MEGF10: variants seen among roughly 807,000 people sequenced by gnomAD.
MEGF10 encodes the protein multiple epidermal growth factor-like domains protein 10.
A neutral mutation model predicts 147.5 loss-of-function variants in MEGF10; 86 were observed. The ratio of observed to expected loss-of-function variants is 0.58; its 90% CI spans 0.49 to 0.70. MEGF10 has a LOEUF of 0.70. Among genes scored for constraint, MEGF10 ranks in the 30% least tolerant of loss-of-function variants. MEGF10 has a pLI of 0.00. For missense variants in MEGF10, 1,329 were observed against 1,487.3 expected (o/e 0.89, Z 1.75); for synonymous variants, 478 against 525.5 (o/e 0.91, Z 1.24).
intron 18 of MEGF10, among the ~76,000 whole-genome samples, chr5:127,441,326 C>A (rs1045162391): frequency 4.6e-5 from 7 of 152,186 alleles, no homozygotes; most frequent in African/African-American, 1.7e-4. Context: ...ACATTGCCAC[C>A]CTTTCAACAA....
At chr5:127,341,011 G>C (rs929700889) in intron 4 of MEGF10, among the ~76,000 whole-genome samples, 3 of 152,146 alleles carry the variant, frequency 2.0e-5, no homozygotes, top group Admixed American at 6.6e-5. Flanking sequence ...CAACTTCCGA[G>C]AGGCCAGCAT....
intron 17 of MEGF10, among the ~76,000 whole-genome samples, chr5:127,440,377 G>T (rs1199878004): frequency 6.6e-6 from 1 of 152,166 alleles, no homozygotes; most frequent in Non-Finnish European, 1.5e-5. Context: ...CAGTCCATTG[G>T]AATTTGAGTC....
At chr5:127,440,664 A>G in intron 17 of MEGF10, 75 bp from the exon 18 acceptor site, 28 of 1,499,564 alleles carry the variant, frequency 1.9e-5, no homozygotes, top group Non-Finnish European at 2.0e-5. Flanking sequence ...AAACACAAAT[A>G]TGTTGGAGGC....
intron 5 of MEGF10, among the ~76,000 whole-genome samples, chr5:127,371,549 G>A (rs541376725): frequency 6.6e-6 from 1 of 152,320 alleles, no homozygotes; most frequent in Admixed American, 6.5e-5. Context: ...TTAAAACTAT[G>A]TGGTTTGCCA....
intron 1 of MEGF10, among the ~76,000 whole-genome samples, chr5:127,324,676 C>T (rs555449933): frequency 6.6e-6 from 1 of 152,166 alleles, no homozygotes; most frequent in East Asian, 1.9e-4. Context: ...TGTTAATCTC[C>T]CAAACACCTC....
At chr5:127,405,277 C>T (rs1326437157) in intron 8 of MEGF10, among the ~76,000 whole-genome samples, 1 of 151,938 alleles carries the variant, frequency 6.6e-6, no homozygotes, top group Admixed American at 6.6e-5. Context: ...CTTTCTAAAT[C>T]TTGGTCTAAT....
At chr5:127,408,527 G>A (rs566987010) in intron 8 of MEGF10, among the ~76,000 whole-genome samples, 6 of 152,212 alleles carry the variant, frequency 3.9e-5, no homozygotes, top group African/African-American at 1.2e-4. Flanking sequence ...TAAAAATAAA[G>A]AGCACCTTTT....
Position 127,339,182 on chromosome 5 carries a change from G to C in MEGF10, c.179G>C (p.Cys60Ser). 6.2e-7 allele frequency: 1 copy of C among 1,612,658 alleles called. No homozygotes were observed. The part of the protein sequence containing the change: ...HPFDQIYYTS[C>S]TDILNWFKCT... ...TTTGATCAAATTTACTACACGAGCT[G>C]CACTGACATTCTAAACTGGTTTAAA... is the stretch of plus-strand genomic sequence containing the variant. Residue 60 changes from cysteine to serine, a missense_variant, in exon 3 of 25, where the codon TGC becomes TCC. Around this residue, in one of 3 missense-constraint regions of MEGF10, gnomAD observed 980 missense variants for 1,085.9 expected, o/e 0.90. Coordinates refer to ENST00000503335, the MANE Select transcript of MEGF10 (RefSeq NM_001256545.2).
chr5:127,429,650 A>G (rs188518687), intron 13 of MEGF10, among the ~76,000 whole-genome samples: 8 of 152,218 alleles, frequency 5.3e-5, no homozygotes, highest in African/African-American at 1.7e-4. Context: ...ATTTTCTTCT[A>G]TATCTCTCCA....
the MEGF10 span, among the ~76,000 whole-genome samples, chr5:127,270,361 A>C: frequency 6.6e-6 from 1 of 152,214 alleles, no homozygotes; most frequent in Non-Finnish European, 1.5e-5. Context: ...AGACACACAT[A>C]GGCTCAAAAT....
the MEGF10 span, among the ~76,000 whole-genome samples, chr5:127,245,416 TG>T: frequency 3.9e-5 from 6 of 152,102 alleles, no homozygotes; most frequent in African/African-American, 1.4e-4. Flanking sequence ...TGCAGAAAAC[TG>T]AAACTAGACC....
intron 7 of MEGF10, 108 bp downstream of exon 7, chr5:127,398,904 T>C (rs559996945): frequency 1.4e-6 from 2 of 1,465,498 alleles, no homozygotes; most frequent in East Asian, 4.6e-5. Context: ...GTTACCATGA[T>C]GGTTGAAGAT....
At chr5:127,354,134 C>G (rs1762191313) in intron 4 of MEGF10, among the ~76,000 whole-genome samples, 1 of 152,190 alleles carries the variant, frequency 6.6e-6, no homozygotes, top group Non-Finnish European at 1.5e-5. Context: ...AGATAAGGAG[C>G]TGGAACTGTG....
intron 1 of MEGF10, among the ~76,000 whole-genome samples, chr5:127,305,953 G>A (rs150573893): frequency 6.7e-4 from 102 of 152,256 alleles, no homozygotes; most frequent in African/African-American, 2.4e-3. Flanking sequence ...ATAGAAGCTC[G>A]AGCATGTGCT....
At chr5:127,349,899 A>C (rs1172467692) in intron 4 of MEGF10, among the ~76,000 whole-genome samples, 1 of 152,142 alleles carries the variant, frequency 6.6e-6, no homozygotes, top group African/African-American at 2.4e-5. Flanking sequence ...ACTCTGATTG[A>C]TTAAATTTTT....
At chr5:127,275,578 C>T in the MEGF10 span, among the ~76,000 whole-genome samples, 1 of 141,126 alleles carries the variant, frequency 7.1e-6, no homozygotes, top group Non-Finnish European at 1.5e-5. Context: ...TGCTGCCTTT[C>T]GAATTCGAAG....
In MEGF10 at chr5:127,394,738, T is replaced by C. The variant is rs571082459; in HGVS notation, c.413-1794T>C. ...AATAACAATTAGGCTTCAGTCTCAT[T>C]TTGAAACTACCACCTAATCTTATTT... On this transcript the variant is annotated intron_variant, in intron 5 of 24. Coordinates refer to ENST00000503335, the MANE Select transcript of MEGF10 (RefSeq NM_001256545.2). Among the ~76,000 whole-genome samples the C allele has an allele frequency of 2.0e-5, 3 of 152,310 alleles. No homozygotes were observed. In the South Asian group the frequency reaches 6.2e-4, roughly 32 times the overall value.
chr5:127,378,955 T>A (rs1202142944), intron 5 of MEGF10, among the ~76,000 whole-genome samples: 1 of 152,022 alleles, frequency 6.6e-6, no homozygotes, highest in African/African-American at 2.4e-5. Context: ...ATAGTGAGAA[T>A]ACTAATGATG....
At chr5:127,356,057 G>A (rs1260158320) in intron 4 of MEGF10, among the ~76,000 whole-genome samples, 1 of 152,188 alleles carries the variant, frequency 6.6e-6, no homozygotes, top group Non-Finnish European at 1.5e-5. Context: ...CAAGAACTGA[G>A]AAGCAATTTT....
Sources: gnomAD v4.1 joint callset for allele counts (sites outside exome capture counted in the v4.1 genomes callset) on GRCh38, gnomAD v4.1.1 for gene constraint, gnomAD v4.1.1 regional missense constraint, MANE v1.5 for transcripts, NCBI Gene and HGNC (gene_info 2026-07-23, HGNC 2026-07-21) for gene names.